ACVR1C: variants seen among roughly 807,000 people sequenced by gnomAD.
The protein encoded by ACVR1C is activin A receptor type 1C, also known as activin receptor type-1C.
Under a neutral mutation model 57.9 loss-of-function variants are expected in ACVR1C, and 23 were observed. The ratio of observed to expected loss-of-function variants is 0.40; its 90% confidence interval spans 0.29 to 0.56. The LOEUF (loss-of-function observed/expected upper bound fraction) is 0.56. ACVR1C is among the 20% of genes least tolerant of loss of function. The pLI, the probability that ACVR1C is intolerant of heterozygous loss-of-function variation, is 0.50. For missense variants in ACVR1C, 480 were observed against 607.9 expected (o/e 0.79, Z 2.21); for synonymous variants, 214 against 215.3 (o/e 0.99, Z 0.05).
chr2:157,542,544 C>A (rs1338953372), intron 6 of ACVR1C, among the ~76,000 whole-genome samples, 162 bp downstream of exon 6: 1 of 152,196 alleles, frequency 6.6e-6, no homozygotes, highest in Admixed American at 6.5e-5. Context: ...TGCTTTATAA[C>A]CATTGCACCC....
At chr2:157,604,419 T>C (rs1682348546) in intron 1 of ACVR1C, among the ~76,000 whole-genome samples, 1 of 152,042 alleles carries the variant, frequency 6.6e-6, no homozygotes, top group South Asian at 2.1e-4. Flanking sequence ...ATTCACCATG[T>C]TGCACACATC....
Position 157,628,744 on chromosome 2 carries a change from A to T in ACVR1C, c.-100T>A, listed in dbSNP as rs1682963942. On this transcript the variant is annotated 5_prime_UTR_variant, in exon 1 of 9. Transcript: ENST00000243349. ...TGAAGTTCCCGGGCCGCGGGAGGGGAGCGCGGCACCGACACCCTTTTGAAG... is the reference window on the plus strand; with the variant it reads ...TGAAGTTCCCGGGCCGCGGGAGGGGTGCGCGGCACCGACACCCTTTTGAAG... The T allele has an allele frequency of 9.2e-7, 1 of 1,088,686 alleles. No homozygotes were observed. The highest frequency in any genetic ancestry group is 1.7e-5 in the African/African-American group (1 of 59,086). The allele number at this position is 1,088,686 out of a possible 1,614,324, so 67.4% of individuals were successfully genotyped here.
At chr2:157,537,253 G>A (rs1687513016) in intron 8 of ACVR1C, among the ~76,000 whole-genome samples, 1 of 151,876 alleles carries the variant, frequency 6.6e-6, no homozygotes, top group African/African-American at 2.4e-5. Flanking sequence ...TATAATATAA[G>A]TAACCTCTCA....
chr2:157,564,019 G>A (rs1255353987), intron 2 of ACVR1C, among the ~76,000 whole-genome samples: 2 of 152,168 alleles, frequency 1.3e-5, no homozygotes, highest in Non-Finnish European at 2.9e-5. Context: ...AACCCTAGAG[G>A]AAAACCTAAG....
intron 7 of ACVR1C, among the ~76,000 whole-genome samples, chr2:157,539,331 A>C (rs1031710609): frequency 1.9e-4 from 29 of 152,190 alleles, no homozygotes; most frequent in Non-Finnish European, 1.5e-5. Context: ...TTCAACATGA[A>C]GATTAATATT....
chr2:157,581,169 T>C (rs951128937), intron 2 of ACVR1C, among the ~76,000 whole-genome samples: 2 of 152,002 alleles, frequency 1.3e-5, no homozygotes, highest in Non-Finnish European at 2.9e-5. Flanking sequence ...CTTCAAAAGT[T>C]TTCTTCAGAT....
chr2:157,605,116 T>C (rs1420769292), intron 1 of ACVR1C, among the ~76,000 whole-genome samples: 1 of 151,782 alleles, frequency 6.6e-6, no homozygotes, highest in East Asian at 1.9e-4. Flanking sequence ...TGCTTATGAA[T>C]GTACCCATGT....
chr2:157,628,310 C>T lies in ACVR1C; in HGVS notation c.73+262G>A, dbSNP rs564144988. Among the ~76,000 whole-genome samples, 5 of 152,286 alleles carry T rather than the reference C, an allele frequency of 3.3e-5. No homozygotes were observed. In the South Asian group the frequency reaches 8.3e-4, roughly 25 times the overall value. On this transcript the variant is annotated intron_variant, in intron 1 of 8. Transcript: ENST00000243349. ...TTAGTCACCCACCTCACCCCTACTA[C>T]TTATTCCCCCACGTCCCTGCTGCCT...
intron 1 of ACVR1C, among the ~76,000 whole-genome samples, chr2:157,589,603 G>C (rs545253004): frequency 1.3e-5 from 2 of 151,950 alleles, no homozygotes; most frequent in African/African-American, 2.4e-5. Context: ...TGACCATGCT[G>C]CTCAAAGCAA....
chr2:157,572,670 A>G (rs1400281164), intron 2 of ACVR1C, among the ~76,000 whole-genome samples: 1 of 152,192 alleles, frequency 6.6e-6, no homozygotes, highest in Non-Finnish European at 1.5e-5. Context: ...ATCTCTATGA[A>G]CAAAATTTCA....
intron 1 of ACVR1C, among the ~76,000 whole-genome samples, chr2:157,592,261 T>C (rs1238922183): frequency 6.6e-6 from 1 of 152,126 alleles, no homozygotes; most frequent in Non-Finnish European, 1.5e-5. Flanking sequence ...TGATACTTTC[T>C]CTTTGAAGCA....
chr2:157,550,670 G>T (rs1359546095), intron 3 of ACVR1C, among the ~76,000 whole-genome samples: 1 of 150,754 alleles, frequency 6.6e-6, no homozygotes, highest in Non-Finnish European at 1.5e-5. Flanking sequence ...TCCAAGAATT[G>T]CTGCAAATCT....
chr2:157,576,627 A>G (rs1367403892), intron 2 of ACVR1C, among the ~76,000 whole-genome samples: 1 of 152,176 alleles, frequency 6.6e-6, no homozygotes, highest in Non-Finnish European at 1.5e-5. Context: ...GTTCCAGGTC[A>G]AAGTTAGGAT....
intron 2 of ACVR1C, among the ~76,000 whole-genome samples, chr2:157,565,403 G>A (rs563868205): frequency 2.6e-5 from 4 of 152,136 alleles, no homozygotes; most frequent in African/African-American, 4.8e-5. Flanking sequence ...TCTTCGTAGT[G>A]ACCATTGTAA....
In ACVR1C at chr2:157,627,262, G is replaced by T. The variant is rs530713837; in HGVS notation, c.73+1310C>A. 5.9e-5 allele frequency among the ~76,000 whole-genome samples: 9 copies of T among 152,212 alleles called. No homozygotes were observed. The South Asian group carries it at 1.7e-3, about 28-fold the overall frequency. ...AGAGCACTTTCAGTATCCCAAGTTA[G>T]CAGAGTTTTCACCCATTTTTTAAAG... is the stretch of plus-strand genomic sequence containing the variant. On this transcript the variant is annotated intron_variant, in intron 1 of 8. Coordinates refer to ENST00000243349, the MANE Select transcript of ACVR1C (RefSeq NM_145259.3).
intron 2 of ACVR1C, among the ~76,000 whole-genome samples, chr2:157,563,998 A>T (rs1003124073): frequency 1.3e-5 from 2 of 152,216 alleles, no homozygotes; most frequent in African/African-American, 4.8e-5. Flanking sequence ...TGTAAAACCA[A>T]AAACCATAAA....
At position 157,586,054 on chromosome 2, in the gene ACVR1C, C is replaced by T. The variant is rs143236507; in HGVS notation, c.304+1133G>A. 5.3e-3 allele frequency among the ~76,000 whole-genome samples: 808 copies of T among 152,080 alleles called. 8 individuals carry two copies. Among genetic ancestry groups the T allele is most frequent in the African/African-American group, 0.019 (781 of 41,490 alleles). ...TCATATTATGATTCCTTCTCTTATTCTCTTAGTTTTTTTGGATTTTGTAAG... is the reference window on the plus strand; with the variant it reads ...TCATATTATGATTCCTTCTCTTATTTTCTTAGTTTTTTTGGATTTTGTAAG... On this transcript the variant is annotated intron_variant, in intron 2 of 8. Coordinates refer to ENST00000243349, the MANE Select transcript of ACVR1C (RefSeq NM_145259.3).
At chr2:157,588,529 C>G (rs1174818438) in intron 1 of ACVR1C, among the ~76,000 whole-genome samples, 1 of 151,490 alleles carries the variant, frequency 6.6e-6, no homozygotes, top group African/African-American at 2.4e-5. Flanking sequence ...TTCAGTGTAC[C>G]CATCACCCAA....
intron 1 of ACVR1C, among the ~76,000 whole-genome samples, chr2:157,624,562 G>GT (rs537155604): frequency 1.3e-4 from 20 of 152,120 alleles, no homozygotes; most frequent in Non-Finnish European, 2.4e-4. Flanking sequence ...AGTTATTCTT[G>GT]TTTTTTTCAC....
Sources: allele counts gnomAD v4.1 joint callset (sites outside exome capture counted in the v4.1 genomes callset), GRCh38; gene constraint gnomAD v4.1.1; transcripts MANE v1.5; gene names NCBI Gene and HGNC (gene_info 2026-07-23, HGNC 2026-07-21).